PON3: variants seen among roughly 807,000 people sequenced by gnomAD.
The protein encoded by PON3 is paraoxonase 3, also known as serum paraoxonase/lactonase 3.
PON3 carries 37 observed loss-of-function variants against 36.3 expected under a neutral mutation model. The ratio of observed to expected loss-of-function variants is 1.02; its 90% confidence interval spans 0.78 to 1.34. The LOEUF is 1.34. PON3 is among the 40% of genes most tolerant of loss of function. PON3 has a pLI of 0.00. For missense variants in PON3, 415 were observed against 426.5 expected (o/e 0.97, Z 0.24); for synonymous variants, 155 against 154.8 (o/e 1.00, Z -0.01).
At chr7:95,364,142 T>C (rs921846807) in intron 5 of PON3, 79 bp from the exon 6 acceptor site, 5 of 1,082,048 alleles carry the variant, frequency 4.6e-6, no homozygotes, top group East Asian at 2.4e-5. Flanking sequence ...CACTCATCTC[T>C]ACATAGACTA....
chr7:95,394,474 G>A (rs900956711), intron 2 of PON3, among the ~76,000 whole-genome samples, 170 bp downstream of exon 2: 3 of 152,174 alleles, frequency 2.0e-5, no homozygotes, highest in African/African-American at 7.2e-5. Flanking sequence ...CACAAAGAAT[G>A]TCATTTAGTA....
At chr7:95,384,790 G>A (rs1026212791) in intron 3 of PON3, among the ~76,000 whole-genome samples, 1 of 152,158 alleles carries the variant, frequency 6.6e-6, no homozygotes, top group East Asian at 1.9e-4. Flanking sequence ...ACAGTGTGGC[G>A]ATTCCTCAGG....
intron 3 of PON3, among the ~76,000 whole-genome samples, chr7:95,380,003 A>T (rs1809010336): frequency 6.6e-6 from 1 of 152,196 alleles, no homozygotes; most frequent in Non-Finnish European, 1.5e-5. Context: ...TCTGAGACGA[A>T]ACCTCCAGAG....
intron 3 of PON3, among the ~76,000 whole-genome samples, chr7:95,376,187 C>T (rs1298198398): frequency 6.6e-6 from 1 of 152,184 alleles, no homozygotes. Context: ...CCAGGGAAGA[C>T]TCTCCTGAGG....
At chr7:95,365,537 G>C (rs139423159) in intron 5 of PON3, 1 of 152,248 alleles carries the variant, frequency 6.6e-6, no homozygotes, top group Non-Finnish European at 1.5e-5. Flanking sequence ...ATTACTGGAG[G>C]ATAAGTCCAT....
rs1281697275 is a variant in PON3 at position 95,362,426 on chromosome 7, G to T, written c.842C>A (p.Ala281Glu). The part of the protein sequence containing the change: ...TVDPATGDIL[A>E]GCHPNPMKLL... ...CTTCATAGGATTAGGATGGCATCCT[G>T]CCAAAATGTCTCCTGTGGCAGGATC... is the stretch of plus-strand genomic sequence containing the variant. The change falls in exon 8 of 9, where the codon GCA (alanine) becomes GAA (glutamate). Residue 281 changes from alanine (A) to glutamate (E), a missense_variant. Coordinates refer to ENST00000265627, the MANE Select transcript of PON3 (RefSeq NM_000940.3). 1 of 1,613,644 alleles carries T rather than the reference G, an allele frequency of 6.2e-7. No individual in the cohort carries two copies. Among genetic ancestry groups the T allele is most frequent in the Non-Finnish European group, 8.5e-7 (1 of 1,179,754 alleles).
intron 8 of PON3, 146 bp from the exon 9 acceptor site, chr7:95,360,277 T>A: frequency 1.2e-6 from 1 of 842,102 alleles, no homozygotes; most frequent in Non-Finnish European, 1.9e-6. Context: ...CTTCTTCTGA[T>A]GAAAGTACTA....
intron 3 of PON3, among the ~76,000 whole-genome samples, chr7:95,382,545 C>G (rs888612724): frequency 2.0e-5 from 3 of 152,176 alleles, no homozygotes; most frequent in East Asian, 3.8e-4. Flanking sequence ...CACAGAAATA[C>G]AAACTACCAT....
chr7:95,394,583 A>T, intron 2 of PON3, 61 bp downstream of exon 2: 2 of 1,440,580 alleles, frequency 1.4e-6, no homozygotes, highest in East Asian at 2.3e-5. Context: ...GGTAGGGCTC[A>T]GTCAGGTGGA....
chr7:95,377,961 G>A (rs1489550135), intron 3 of PON3, among the ~76,000 whole-genome samples: 3 of 152,112 alleles, frequency 2.0e-5, no homozygotes, highest in South Asian at 2.1e-4. Context: ...AAACTTCTCC[G>A]AGCTAAAGGA....
At chr7:95,392,448 T>C (rs1809338815) in intron 2 of PON3, among the ~76,000 whole-genome samples, 1 of 152,206 alleles carries the variant, frequency 6.6e-6, no homozygotes. Flanking sequence ...TAATTATACC[T>C]CTTGATTATT....
At chr7:95,395,253 T>C (rs1310748691) in intron 1 of PON3, among the ~76,000 whole-genome samples, 1 of 152,186 alleles carries the variant, frequency 6.6e-6, no homozygotes, top group Non-Finnish European at 1.5e-5. Context: ...ATTTAAACAA[T>C]TGGCCGATTT....
intron 3 of PON3, among the ~76,000 whole-genome samples, chr7:95,388,911 A>AG (rs1185880843): frequency 6.6e-6 from 1 of 152,134 alleles, no homozygotes; most frequent in African/African-American, 2.4e-5. Context: ...AACACAGGGC[A>AG]GGGAACAGCA....
intron 5 of PON3, chr7:95,365,371 C>A (rs1371932104): frequency 6.6e-6 from 1 of 152,220 alleles, no homozygotes; most frequent in Non-Finnish European, 1.5e-5. Flanking sequence ...TCATAGGATA[C>A]CACAAAACTA....
At chr7:95,381,439 T>C (rs1258414426) in intron 3 of PON3, among the ~76,000 whole-genome samples, 2 of 152,162 alleles carry the variant, frequency 1.3e-5, no homozygotes, top group Non-Finnish European at 2.9e-5. Context: ...CCCATCAGTA[T>C]GCTGTATTCA....
Position 95,364,010 on chromosome 7 carries a change from T to C in PON3, c.548A>G (p.His183Arg). Residue 183 changes from histidine to arginine, a missense_variant, in exon 6 of 9, where the codon CAC becomes CGC. Coordinates refer to ENST00000265627, the MANE Select transcript of PON3 (RefSeq NM_000940.3). ...TGACAGGAGGGAGTTGGTAAAATAG[T>C]GGTCTCTGGTGGCATAGAACTGTTC... ...GPEQFYATRDHYFTNSLLSFF... is the reference protein window; with the variant it reads ...GPEQFYATRDRYFTNSLLSFF... The C allele has an allele frequency of 6.2e-7, 1 of 1,613,946 alleles. No individual in the cohort carries two copies.
chr7:95,395,543 G>T (rs961726562), intron 1 of PON3, among the ~76,000 whole-genome samples: 3 of 152,126 alleles, frequency 2.0e-5, no homozygotes, highest in African/African-American at 7.2e-5. Flanking sequence ...GATTCTAGAC[G>T]TGATCCTCTA....
intron 2 of PON3, among the ~76,000 whole-genome samples, chr7:95,393,992 G>C (rs1809375690): frequency 6.6e-6 from 1 of 152,110 alleles, no homozygotes; most frequent in Non-Finnish European, 1.5e-5. Context: ...TGACTCCCTG[G>C]TTCAAGTGAT....
At chr7:95,369,547 G>A (rs1293181992) in intron 4 of PON3, among the ~76,000 whole-genome samples, 1 of 152,214 alleles carries the variant, frequency 6.6e-6, no homozygotes, top group Non-Finnish European at 1.5e-5. Context: ...GGCCAAGGCA[G>A]GTGGATCACC....
Sources: allele counts gnomAD v4.1 joint callset (sites outside exome capture counted in the v4.1 genomes callset), GRCh38; gene constraint gnomAD v4.1.1; transcripts MANE v1.5; gene names NCBI Gene and HGNC (gene_info 2026-07-23, HGNC 2026-07-21).